The following TRPM3 variants were observed in gnomAD, a reference collection of about 807,000 sequenced individuals.
TRPM3 encodes transient receptor potential cation channel subfamily M member 3.
A neutral mutation model predicts 181.2 loss-of-function variants in TRPM3; 77 were observed. The ratio of observed to expected loss-of-function variants is 0.42; its 90% CI spans 0.35 to 0.51. The LOEUF is 0.51. TRPM3 is among the 20% of genes least tolerant of loss of function. The pLI, the probability that TRPM3 is intolerant of heterozygous loss-of-function variation, is 0.01. For synonymous variants in TRPM3, 745 were observed against 796.4 expected, an observed-to-expected ratio of 0.94 and a Z score of 1.09; for missense variants, 1,759 against 2,196.7, an observed-to-expected ratio of 0.80 and a Z score of 3.98.
In TRPM3 at chr9:71,224,695, A is replaced by G. The variant is rs574104359; in HGVS notation, c.183+221958T>C. Among the ~76,000 whole-genome samples, 16 of 152,320 alleles carry G rather than the reference A, an allele frequency of 1.1e-4. No individual in the cohort carries two copies. The East Asian group carries it at 2.9e-3, about 28-fold the overall frequency. On this transcript the variant is annotated intron_variant, in intron 1 of 24. Coordinates refer to the TRPM3 transcript ENST00000357533. ...CAGAATCCTATCAGATATATGTAAC[A>G]AGAAAATTGAAGTAATTAAAAAGAA...
In TRPM3 at chr9:70,853,567, T is replaced by A. The variant is rs989303835; in HGVS notation, c.463-6976A>T. ...GAAGATTTAGGAAGTACTGGAAGAA[T>A]TAGTAAGGCCACAATAAATATGAAA... On this transcript the variant is annotated intron_variant, in intron 3 of 25. Transcript: ENST00000677713. 2.6e-5 allele frequency among the ~76,000 whole-genome samples: 4 copies of A among 152,224 alleles called. No individual in the cohort carries two copies. In the East Asian group the frequency reaches 7.7e-4, roughly 29 times the overall value.
intron 4 of TRPM3, among the ~76,000 whole-genome samples, chr9:70,844,429 AAAACAAAC>A (rs35792007): frequency 3.3e-5 from 5 of 151,182 alleles, no homozygotes; most frequent in African/African-American, 7.3e-5. Context: ...GAGAACTGGT[AAAACAAAC>A]AAACAAACAA....
At chr9:71,365,017 C>T (rs1183255937) in intron 1 of TRPM3, among the ~76,000 whole-genome samples, 2 of 152,074 alleles carry the variant, frequency 1.3e-5, no homozygotes, top group Admixed American at 1.3e-4. Flanking sequence ...AAGAAAGACC[C>T]GATGTTAGTC....
intron 6 of TRPM3, chr9:70,793,560 T>TAC (rs1415175601): frequency 4.3e-6 from 2 of 468,502 alleles, no homozygotes; most frequent in Non-Finnish European, 8.8e-6. Context: ...TACATATATA[T>TAC]ACCCCTTTAT....
intron 1 of TRPM3, among the ~76,000 whole-genome samples, chr9:71,018,566 G>A (rs1298257379): frequency 6.6e-6 from 1 of 151,544 alleles, no homozygotes; most frequent in African/African-American, 2.4e-5. Flanking sequence ...CAGATGCAAA[G>A]GGAAAATCCT....
chr9:71,175,088 T>G (rs928911243), intron 1 of TRPM3, among the ~76,000 whole-genome samples: 37 of 152,146 alleles, frequency 2.4e-4, no homozygotes, highest in Non-Finnish European at 1.5e-5. Context: ...GAGGTGAACA[T>G]GACCAGAGAT....
chr9:70,997,344 C>T (rs1253449297), intron 1 of TRPM3, among the ~76,000 whole-genome samples: 3 of 152,022 alleles, frequency 2.0e-5, no homozygotes, highest in East Asian at 1.9e-4. Context: ...TACAGGCTCC[C>T]GCCACCACAC....
At chr9:71,117,852 A>G (rs1042419580) in intron 1 of TRPM3, among the ~76,000 whole-genome samples, 2 of 152,160 alleles carry the variant, frequency 1.3e-5, no homozygotes, top group African/African-American at 2.4e-5. Flanking sequence ...CCTTCTCCCA[A>G]TGCAACCCAT....
intron 1 of TRPM3, among the ~76,000 whole-genome samples, chr9:71,221,389 T>C (rs1565355815): frequency 1.3e-5 from 2 of 152,224 alleles, no homozygotes; most frequent in Non-Finnish European, 2.9e-5. Context: ...TAAATACATA[T>C]AAGTTTAAAT....
At chr9:70,944,258 C>T (rs2096912196) in intron 1 of TRPM3, among the ~76,000 whole-genome samples, 1 of 152,100 alleles carries the variant, frequency 6.6e-6, no homozygotes, top group East Asian at 1.9e-4. Flanking sequence ...TAATGACCAC[C>T]CTGCTTGAAC....
At chr9:70,782,655 G>T (rs960378917) in intron 7 of TRPM3, among the ~76,000 whole-genome samples, 24 of 151,822 alleles carry the variant, frequency 1.6e-4, no homozygotes, top group African/African-American at 5.6e-4. Flanking sequence ...AAATATAATA[G>T]TAATTTAACT....
intron 22 of TRPM3, among the ~76,000 whole-genome samples, chr9:70,559,509 C>A (rs1444345796): frequency 6.6e-6 from 1 of 152,190 alleles, no homozygotes; most frequent in East Asian, 1.9e-4. Context: ...CCTCTAGATG[C>A]TGTTGTGTAA....
At chr9:70,679,593 G>T (rs1200977628) in intron 9 of TRPM3, among the ~76,000 whole-genome samples, 1 of 152,144 alleles carries the variant, frequency 6.6e-6, no homozygotes, top group Non-Finnish European at 1.5e-5. Context: ...ATAAGTGAGG[G>T]CTATGGGGTC....
rs1210721962 is a variant in TRPM3 at position 70,673,212 on chromosome 9, G to A, written c.1345+8294C>T. The stretch of plus-strand genomic sequence containing the variant: ...GGCTTCCAGGTGGTTTTGGGATGAG[G>A]TAGTAATAAGAGGCACATGGAAGAC... On this transcript the variant is annotated intron_variant, in intron 9 of 25. Transcript: ENST00000677713. Among the ~76,000 whole-genome samples the A allele has an allele frequency of 1.2e-4, 18 of 152,066 alleles. 1 individual carries two copies. The highest frequency in any genetic ancestry group is 1.1e-3 in the Admixed American group (17 of 15,272).
At chr9:71,184,782 G>C (rs572853315) in intron 1 of TRPM3, among the ~76,000 whole-genome samples, 1 of 152,066 alleles carries the variant, frequency 6.6e-6, no homozygotes, top group South Asian at 2.1e-4. Context: ...TCAGGCAAGG[G>C]CCTGCCAACA....
intron 1 of TRPM3, among the ~76,000 whole-genome samples, chr9:71,062,963 T>C (rs184383577): frequency 1.1e-3 from 162 of 152,260 alleles, no homozygotes; most frequent in African/African-American, 3.7e-3. Flanking sequence ...TGTGATATTG[T>C]GTTATAACAA....
intron 1 of TRPM3, among the ~76,000 whole-genome samples, chr9:71,148,817 T>C (rs1282484261): frequency 6.6e-6 from 1 of 152,144 alleles, no homozygotes; most frequent in Non-Finnish European, 1.5e-5. Context: ...ATTGAAGCCA[T>C]CTAGCTCTAG....
At chr9:71,297,397 C>T (rs12005499) in intron 1 of TRPM3, among the ~76,000 whole-genome samples, 14,262 of 152,138 alleles carry the variant, frequency 0.094, 2,226 homozygotes, top group African/African-American at 0.32. Flanking sequence ...CTATAAACAA[C>T]TGCCTGAGAC....
chr9:70,642,187 G>A (rs1449319893), intron 9 of TRPM3, among the ~76,000 whole-genome samples: 1 of 152,148 alleles, frequency 6.6e-6, no homozygotes, highest in African/African-American at 2.4e-5. Flanking sequence ...TATGTCATAT[G>A]TAACATCCCA....
Sources: gnomAD v4.1 joint callset for allele counts (sites outside exome capture counted in the v4.1 genomes callset) on GRCh38, gnomAD v4.1.1 for gene constraint, MANE v1.5 for transcripts, NCBI Gene and HGNC (gene_info 2026-07-23, HGNC 2026-07-21) for gene names.